GRM8: variants seen among roughly 807,000 people sequenced by gnomAD.
The protein encoded by GRM8 is glutamate metabotropic receptor 8.
GRM8 carries 47 observed loss-of-function variants against 87.2 expected under a neutral mutation model. That is an observed-to-expected ratio of 0.54 (90% CI 0.43 to 0.69). The LOEUF (loss-of-function observed/expected upper bound fraction) is 0.69. Ranked by LOEUF, GRM8 falls within the 30% of genes least tolerant of loss-of-function variation. The probability of loss-of-function intolerance (pLI) is 0.00; values close to 1 mark genes in which losing one functional copy is unlikely to be tolerated. For synonymous variants in GRM8, 396 were observed against 404.5 expected (o/e 0.98, Z 0.25); for missense variants, 1,019 against 1,139.2 (o/e 0.89, Z 1.52).
intron 9 of GRM8, among the ~76,000 whole-genome samples, chr7:126,500,382 G>A (rs377705440): frequency 2.0e-5 from 3 of 151,938 alleles, no homozygotes; most frequent in African/African-American, 7.2e-5. Context: ...GAAGACAGGA[G>A]GAGAGAAGGG....
chr7:126,553,825 G>A (rs1385685141), intron 8 of GRM8, among the ~76,000 whole-genome samples: 1 of 152,122 alleles, frequency 6.6e-6, no homozygotes, highest in Non-Finnish European at 1.5e-5. Context: ...GCAATTCAAT[G>A]ATAGCTTATC....
chr7:126,980,107 A>G (rs1000412137), intron 3 of GRM8, among the ~76,000 whole-genome samples: 6 of 152,196 alleles, frequency 3.9e-5, no homozygotes, highest in Non-Finnish European at 8.8e-5. Flanking sequence ...ATTTGGGCAA[A>G]CATTGTTCTT....
At chr7:126,671,323 G>A (rs1249400407) in intron 7 of GRM8, among the ~76,000 whole-genome samples, 1 of 152,138 alleles carries the variant, frequency 6.6e-6, no homozygotes, top group African/African-American at 2.4e-5. Context: ...AAGATTCCTT[G>A]GGAAACAGAG....
intron 2 of GRM8, among the ~76,000 whole-genome samples, chr7:127,240,965 C>G (rs530100914): frequency 2.0e-5 from 3 of 152,298 alleles, no homozygotes; most frequent in Admixed American, 6.5e-5. Context: ...ACTAGAGCAA[C>G]TCTGGCTACA....
intron 6 of GRM8, among the ~76,000 whole-genome samples, chr7:126,779,761 T>G (rs547619181): frequency 4.9e-4 from 74 of 152,312 alleles, no homozygotes; most frequent in African/African-American, 1.6e-3. Context: ...CTATTTATTT[T>G]TAATACTCAA....
chr7:126,693,640 A>T (rs1809053869), intron 7 of GRM8, among the ~76,000 whole-genome samples: 1 of 152,176 alleles, frequency 6.6e-6, no homozygotes, highest in Non-Finnish European at 1.5e-5. Flanking sequence ...AAAGTTTTAC[A>T]TTACTTCTTA....
intron 3 of GRM8, among the ~76,000 whole-genome samples, chr7:127,060,212 A>C (rs1406110589): frequency 6.6e-6 from 1 of 152,218 alleles, no homozygotes; most frequent in African/African-American, 2.4e-5. Flanking sequence ...AGACAAACAC[A>C]TATCTTTTTA....
intron 9 of GRM8, among the ~76,000 whole-genome samples, chr7:126,478,859 T>C (rs1318695515): frequency 6.6e-6 from 1 of 152,088 alleles, no homozygotes; most frequent in Non-Finnish European, 1.5e-5. Context: ...CACCAAAATA[T>C]ATTTATGATA....
intron 3 of GRM8, among the ~76,000 whole-genome samples, chr7:127,023,163 C>T (rs907097950): frequency 2.6e-5 from 4 of 151,910 alleles, no homozygotes; most frequent in Admixed American, 1.3e-4. Context: ...CGGGTTTTCT[C>T]GGCTTTTATC....
intron 7 of GRM8, among the ~76,000 whole-genome samples, chr7:126,651,325 T>C (rs988722475): frequency 2.0e-5 from 3 of 152,228 alleles, no homozygotes; most frequent in Admixed American, 2.0e-4. Context: ...AATGGCAGAA[T>C]GGCCTTTTGA....
At chr7:127,026,024 C>T (rs2132257640) in intron 3 of GRM8, among the ~76,000 whole-genome samples, 1 of 152,172 alleles carries the variant, frequency 6.6e-6, no homozygotes, top group African/African-American at 2.4e-5. Flanking sequence ...CTGACAGGCC[C>T]TGATGTGTGA....
intron 2 of GRM8, among the ~76,000 whole-genome samples, chr7:127,168,094 T>C (rs1243595141): frequency 6.6e-6 from 1 of 152,042 alleles, no homozygotes; most frequent in Non-Finnish European, 1.5e-5. Flanking sequence ...GGCAGAAAAT[T>C]TTTGCAATCT....
intron 2 of GRM8, among the ~76,000 whole-genome samples, chr7:127,171,435 C>T (rs559319424): frequency 1.2e-3 from 176 of 152,238 alleles, no homozygotes; most frequent in African/African-American, 4.1e-3. Flanking sequence ...GCAAAGCATG[C>T]TACAGAGAAA....
At chr7:127,146,191 T>C (rs956338013) in intron 2 of GRM8, among the ~76,000 whole-genome samples, 1 of 152,052 alleles carries the variant, frequency 6.6e-6, no homozygotes, top group African/African-American at 2.4e-5. Flanking sequence ...GTTTTTTAAG[T>C]GTAATATAGA....
chr7:126,871,653 A>C (rs1369697843), intron 6 of GRM8, among the ~76,000 whole-genome samples: 1 of 152,220 alleles, frequency 6.6e-6, no homozygotes, highest in Admixed American at 6.5e-5. Context: ...TATGTGGTAT[A>C]CATAATGAAC....
intron 7 of GRM8, among the ~76,000 whole-genome samples, chr7:126,751,670 A>T (rs1347025353): frequency 2.0e-5 from 3 of 152,214 alleles, no homozygotes; most frequent in Non-Finnish European, 4.4e-5. Context: ...ACTAGCTATG[A>T]CTTTGGCCTG....
chr7:127,154,297 T>G, intron 2 of GRM8, among the ~76,000 whole-genome samples: 1 of 152,146 alleles, frequency 6.6e-6, no homozygotes, highest in South Asian at 2.1e-4. Flanking sequence ...CTCCAGCTGC[T>G]TCCTGCTACT....
chr7:126,995,372 G>T (rs746292231), intron 3 of GRM8, among the ~76,000 whole-genome samples: 19 of 152,186 alleles, frequency 1.2e-4, no homozygotes, highest in Non-Finnish European at 2.8e-4. Context: ...TAAGGGACCA[G>T]GGACCAATCC....
intron 3 of GRM8, among the ~76,000 whole-genome samples, chr7:127,097,395 G>A (rs1484255279): frequency 6.6e-6 from 1 of 152,156 alleles, no homozygotes; most frequent in Non-Finnish European, 1.5e-5. Context: ...TTGAGAACTG[G>A]AAAAGAGAGG....
Sources: gnomAD v4.1 joint callset for allele counts (sites outside exome capture counted in the v4.1 genomes callset) on GRCh38, gnomAD v4.1.1 for gene constraint, MANE v1.5 for transcripts, NCBI Gene and HGNC (gene_info 2026-07-23, HGNC 2026-07-21) for gene names.